UTRN: variants seen among roughly 807,000 people sequenced by gnomAD.
UTRN encodes the protein dystrophin-related protein 1.
In UTRN, 283 loss-of-function variants were observed where a neutral mutation model predicts 463.9. That is an observed-to-expected ratio of 0.61 (90% CI 0.55 to 0.67). The LOEUF (loss-of-function observed/expected upper bound fraction) is 0.67, where lower values mean the gene tolerates loss of function less well. UTRN is among the 30% of genes least tolerant of loss of function. The probability of loss-of-function intolerance (pLI) is 0.00; values close to 1 mark genes in which losing one functional copy is unlikely to be tolerated. For missense variants in UTRN, 3,922 were observed against 4,084.3 expected, an observed-to-expected ratio of 0.96 and a Z score of 1.08; for synonymous variants, 1,442 against 1,431.5, an observed-to-expected ratio of 1.01 and a Z score of -0.17.
At chr6:144,605,508 A>G (rs546570759) in intron 51 of UTRN, among the ~76,000 whole-genome samples, 1 of 151,864 alleles carries the variant, frequency 6.6e-6, no homozygotes, top group South Asian at 2.1e-4. Flanking sequence ...TGACCGAATA[A>G]CTTTTCCATT....
chr6:144,497,629 C>G (rs978496380), intron 33 of UTRN, among the ~76,000 whole-genome samples: 3 of 150,038 alleles, frequency 2.0e-5, no homozygotes, highest in African/African-American at 7.4e-5. Flanking sequence ...TGCAGTGAGT[C>G]AAGATTGTGC....
chr6:144,500,666 A>G (rs1794090908), intron 34 of UTRN, among the ~76,000 whole-genome samples: 1 of 152,222 alleles, frequency 6.6e-6, no homozygotes, highest in African/African-American at 2.4e-5. Flanking sequence ...TTTAAAACCA[A>G]TAAGTAATCT....
intron 2 of UTRN, among the ~76,000 whole-genome samples, chr6:144,324,578 C>T (rs1485335716): frequency 6.6e-6 from 1 of 152,192 alleles, no homozygotes; most frequent in African/African-American, 2.4e-5. Flanking sequence ...ATGAGAACCA[C>T]GTCTTGCTTG....
At position 144,451,386 on chromosome 6, in the gene UTRN, G is replaced by A; in HGVS notation, c.2089G>A (p.Ala697Thr). ...EAKKKFDAIS[A>T]ELLNWILKWK... Reference sequence around the variant, plus strand: ...TTCAAACAGGTTTGATGCTATAAGTGCAGAGCTGTTGAACTGGATTTTGAA... The same window carrying A: ...TTCAAACAGGTTTGATGCTATAAGTACAGAGCTGTTGAACTGGATTTTGAA... The change falls in exon 18 of 75, where the codon GCA (alanine) becomes ACA (threonine). Residue 697 changes from alanine to threonine, a missense_variant. Physicochemically the swap from Ala to Thr is moderately conservative, Grantham distance 58. Around this residue, in one of 3 missense-constraint regions of UTRN, gnomAD observed 2,349 missense variants for 2,303.8 expected, o/e 1.02. Transcript: ENST00000367545. 1.9e-6 allele frequency: 3 copies of A among 1,613,372 alleles called. No individual in the cohort carries two copies. Among genetic ancestry groups the A allele is most frequent in the South Asian group, 1.1e-5 (1 of 91,070 alleles).
intron 51 of UTRN, among the ~76,000 whole-genome samples, chr6:144,651,336 T>C (rs911679622): frequency 2.6e-5 from 4 of 152,158 alleles, no homozygotes; most frequent in African/African-American, 9.7e-5. Flanking sequence ...TGCGCAATTA[T>C]ATAGTACTAG....
At chr6:144,518,323 C>T (rs911584701) in intron 39 of UTRN, among the ~76,000 whole-genome samples, 1 of 152,166 alleles carries the variant, frequency 6.6e-6, no homozygotes, top group South Asian at 2.1e-4. Flanking sequence ...ACAGAAAAAG[C>T]TTTAAATGCA....
chr6:144,411,932 C>T (rs996785516), intron 3 of UTRN, among the ~76,000 whole-genome samples: 2 of 151,996 alleles, frequency 1.3e-5, no homozygotes, highest in African/African-American at 4.8e-5. Context: ...GTTTAAGTGA[C>T]TGGAGCACAT....
At chr6:144,598,999 A>G (rs930702738) in intron 51 of UTRN, among the ~76,000 whole-genome samples, 3 of 152,232 alleles carry the variant, frequency 2.0e-5, no homozygotes, top group African/African-American at 7.2e-5. Context: ...TTATTTATTT[A>G]TGACATCTAG....
At chr6:144,808,024 G>A (rs890731827) in intron 65 of UTRN, among the ~76,000 whole-genome samples, 1 of 152,060 alleles carries the variant, frequency 6.6e-6, no homozygotes, top group Admixed American at 6.6e-5. Flanking sequence ...TTAATGGTAT[G>A]GATTTAGTGA....
chr6:144,813,818 C>T (rs1424340248), intron 65 of UTRN, among the ~76,000 whole-genome samples: 3 of 152,186 alleles, frequency 2.0e-5, no homozygotes, highest in Non-Finnish European at 4.4e-5. Context: ...AGGGTTTTGC[C>T]ATGCGCAGAG....
intron 50 of UTRN, among the ~76,000 whole-genome samples, chr6:144,568,034 G>A (rs781090599): frequency 2.0e-4 from 30 of 152,028 alleles, no homozygotes; most frequent in Non-Finnish European, 3.4e-4. Context: ...AGGCTATAGG[G>A]TGTCATAGCT....
intron 29 of UTRN, 23 bp from the exon 30 acceptor site, chr6:144,488,650 G>A (rs762226512): frequency 6.2e-7 from 1 of 1,605,202 alleles, no homozygotes; most frequent in South Asian, 1.1e-5. Context: ...GGCAACTAAT[G>A]ATTCAATTTC....
intron 13 of UTRN, among the ~76,000 whole-genome samples, chr6:144,442,750 A>C (rs956287973): frequency 2.0e-5 from 3 of 152,172 alleles, no homozygotes; most frequent in African/African-American, 7.2e-5. Flanking sequence ...TCCTCTCAAA[A>C]AATGTGAGAA....
At chr6:144,369,897 T>C (rs1371610937) in intron 2 of UTRN, among the ~76,000 whole-genome samples, 1 of 152,172 alleles carries the variant, frequency 6.6e-6, no homozygotes, top group African/African-American at 2.4e-5. Context: ...ATGCCTTTGC[T>C]CCTCCTTCAC....
intron 2 of UTRN, among the ~76,000 whole-genome samples, chr6:144,294,901 T>C (rs1804551233): frequency 6.6e-6 from 1 of 152,178 alleles, no homozygotes; most frequent in Non-Finnish European, 1.5e-5. Flanking sequence ...AGCCATGTAT[T>C]TATTTATGGT....
intron 28 of UTRN, among the ~76,000 whole-genome samples, 193 bp downstream of exon 28, chr6:144,485,712 A>T (rs1460378912): frequency 6.6e-6 from 1 of 152,246 alleles, no homozygotes; most frequent in East Asian, 1.9e-4. Flanking sequence ...GTGACCCATT[A>T]TATCAGCCTC....
chr6:144,710,074 A>G lies in UTRN; in HGVS notation c.7809+9831A>G, dbSNP rs554284132. Among the ~76,000 whole-genome samples the G allele has an allele frequency of 2.0e-5, 3 of 152,310 alleles. No homozygotes were observed. In the South Asian group the frequency reaches 6.2e-4, roughly 32 times the overall value. On this transcript the variant is annotated intron_variant, in intron 53 of 74. Coordinates refer to ENST00000367545, the MANE Select transcript of UTRN (RefSeq NM_007124.3). ...TCAGTGATATATTTTAATAATTCCT[A>G]TTACTAAAAGCCCTGTGCTTGTGGT...
At chr6:144,694,645 C>A (rs1294301568) in intron 52 of UTRN, among the ~76,000 whole-genome samples, 1 of 152,038 alleles carries the variant, frequency 6.6e-6, no homozygotes, top group Admixed American at 6.6e-5. Context: ...AGGAATTTAT[C>A]CATTTCTTCT....
chr6:144,464,751 C>T (rs974569145), intron 23 of UTRN, among the ~76,000 whole-genome samples: 10 of 152,246 alleles, frequency 6.6e-5, no homozygotes, highest in East Asian at 3.9e-4. Context: ...CCACCCTCCT[C>T]GGCCTCCCAA....
Sources: gnomAD v4.1 joint callset for allele counts (sites outside exome capture counted in the v4.1 genomes callset) on GRCh38, gnomAD v4.1.1 for gene constraint, gnomAD v4.1.1 regional missense constraint, MANE v1.5 for transcripts, NCBI Gene and HGNC (gene_info 2026-07-23, HGNC 2026-07-21) for gene names.